Variants in PRKCE observed in about 807,000 individuals in gnomAD.
PRKCE encodes the protein protein kinase C epsilon type.
A neutral mutation model predicts 85.4 loss-of-function variants in PRKCE; 16 were observed. That is an observed-to-expected ratio of 0.19 (90% CI 0.13 to 0.28). The LOEUF (loss-of-function observed/expected upper bound fraction) is 0.28. Ranked by LOEUF, PRKCE falls within the 10% of genes least tolerant of loss-of-function variation. PRKCE has a pLI of 1.00. For missense variants in PRKCE, 573 were observed against 975.2 expected (o/e 0.59, Z 5.49); for synonymous variants, 388 against 371.5 (o/e 1.04, Z -0.51).
intron 10 of PRKCE, among the ~76,000 whole-genome samples, chr2:46,058,764 C>T (rs111781436): frequency 0.037 from 5,697 of 152,240 alleles, 320 homozygotes; most frequent in African/African-American, 0.12. Context: ...GGCATGAACA[C>T]GGCTCACTGC....
At chr2:45,957,836 C>T (rs996789604) in intron 2 of PRKCE, among the ~76,000 whole-genome samples, 1 of 151,940 alleles carries the variant, frequency 6.6e-6, no homozygotes, top group Non-Finnish European at 1.5e-5. Context: ...AGTCTGAGTC[C>T]AGAGGTTCAA....
At chr2:45,990,998 C>T (rs1703747326) in intron 6 of PRKCE, among the ~76,000 whole-genome samples, 1 of 150,748 alleles carries the variant, frequency 6.6e-6, no homozygotes, top group Admixed American at 6.6e-5. Flanking sequence ...TTTCTTTCTT[C>T]CTTTCTTTCT....
chr2:45,857,388 TA>T (rs1391607547), intron 2 of PRKCE, among the ~76,000 whole-genome samples: 4 of 152,214 alleles, frequency 2.6e-5, no homozygotes, highest in Non-Finnish European at 5.9e-5. Context: ...AGAGAGTTTT[TA>T]AAAAATGTTC....
At chr2:45,730,893 T>A (rs1227689009) in intron 1 of PRKCE, among the ~76,000 whole-genome samples, 1 of 152,260 alleles carries the variant, frequency 6.6e-6, no homozygotes, top group Non-Finnish European at 1.5e-5. Flanking sequence ...CAGAGTGCTG[T>A]TATTTGTAAA....
chr2:46,003,345 T>G (rs1035344831), intron 7 of PRKCE, among the ~76,000 whole-genome samples: 2 of 152,226 alleles, frequency 1.3e-5, no homozygotes, highest in Non-Finnish European at 2.9e-5. Flanking sequence ...GTTTGTGATC[T>G]TTGAGTCTAA....
intron 1 of PRKCE, among the ~76,000 whole-genome samples, chr2:45,664,027 T>C (rs536592845): frequency 4.7e-4 from 71 of 152,350 alleles, no homozygotes; most frequent in African/African-American, 1.7e-3. Context: ...ACTTTCTATG[T>C]TCTAGGAACT....
chr2:46,022,847 G>T (rs962285941), intron 10 of PRKCE, among the ~76,000 whole-genome samples: 1 of 152,128 alleles, frequency 6.6e-6, no homozygotes, highest in Admixed American at 6.5e-5. Context: ...ACTTTGGGAG[G>T]CCGAGGCGGG....
chr2:46,100,567 G>A (rs1671106641), intron 11 of PRKCE, among the ~76,000 whole-genome samples: 1 of 152,196 alleles, frequency 6.6e-6, no homozygotes, highest in Admixed American at 6.5e-5. Context: ...CGGAAGTGGG[G>A]CATCTCTCAT....
intron 10 of PRKCE, among the ~76,000 whole-genome samples, chr2:46,083,016 C>T (rs1669243023): frequency 6.6e-6 from 1 of 152,146 alleles, no homozygotes; most frequent in Non-Finnish European, 1.5e-5. Context: ...GGCGCAATCT[C>T]AGCTCACTGC....
At chr2:46,071,832 C>T (rs567095096) in intron 10 of PRKCE, among the ~76,000 whole-genome samples, 108 of 152,330 alleles carry the variant, frequency 7.1e-4, no homozygotes, top group African/African-American at 2.6e-3. Flanking sequence ...GGTCTAACCA[C>T]CTTTCCAAGT....
Position 45,980,310 on chromosome 2 carries a change from G to A in PRKCE, c.622G>A (p.Val208Ile), listed in dbSNP as rs570929334. 1.9e-5 allele frequency: 31 copies of A among 1,599,630 alleles called. No individual in the cohort carries two copies. In the Admixed American group the frequency reaches 4.0e-4, roughly 21 times the overall value. ...GYQCQVCTCV[V>I]HKRCHELIIT... ...GCTATTTGCAGTCTGCACCTGCGTG[G>A]TCCACAAGCGGTGCCACGAGCTCAT... Residue 208 changes from valine to isoleucine, a missense_variant, in exon 5 of 15, where the codon GTC (valine) becomes ATC (isoleucine). By Grantham distance (29) the Val-to-Ile change is conservative. Around this residue, in one of 11 missense-constraint regions of PRKCE, gnomAD observed 29 missense variants for 96.2 expected, o/e 0.30. Transcript: ENST00000306156.
In PRKCE at chr2:45,884,980, TATATATATATATATATATA is replaced by T. The variant is rs1558793053; in HGVS notation, c.412+41918_412+41936del. 2.1e-4 allele frequency among the ~76,000 whole-genome samples: 14 copies of T among 66,502 alleles called. No homozygotes were observed. In the East Asian group the frequency reaches 8.2e-3, roughly 39 times the overall value. 43.6% of individuals were successfully genotyped at this position (66,502 alleles called of 152,430 possible). ...ATATATATATATATATATATATATA[TATATATATATATATATATA>T]TATTTGTTGTTGTTGTTGTTGTTTT... On this transcript the variant is annotated intron_variant, in intron 2 of 14. Transcript: ENST00000306156.
rs192019782 is a variant in PRKCE at position 46,155,428 on chromosome 2, G to A, written c.1921-4178G>A. ...CGCCTCTCTTGTTCCTCAGGCCTGG[G>A]CCCCGGGTCCTCTGGGTACCCTGTG... On this transcript the variant is annotated intron_variant, in intron 13 of 14. Transcript: ENST00000306156. The surrounding 1 kb of genome is among the most constrained non-coding windows in gnomAD (Gnocchi z 4.7). Among the ~76,000 whole-genome samples, 82 of 151,978 alleles carry A rather than the reference G, an allele frequency of 5.4e-4. No homozygotes were observed. Among genetic ancestry groups the A allele is most frequent in the African/African-American group, 1.8e-3 (75 of 41,444 alleles).
intron 2 of PRKCE, among the ~76,000 whole-genome samples, chr2:45,970,963 A>G (rs564977913): frequency 6.6e-6 from 1 of 151,912 alleles, no homozygotes; most frequent in African/African-American, 2.4e-5. Flanking sequence ...TATTTTATAC[A>G]TCAGACACAC....
At chr2:45,998,602 A>G (rs752864537) in intron 6 of PRKCE, among the ~76,000 whole-genome samples, 28 of 151,958 alleles carry the variant, frequency 1.8e-4, no homozygotes, top group Non-Finnish European at 3.5e-4. Context: ...TTTTTGATCC[A>G]CTCTAACAAT....
intron 1 of PRKCE, among the ~76,000 whole-genome samples, chr2:45,733,122 T>C (rs540833972): frequency 3.3e-5 from 5 of 152,348 alleles, no homozygotes; most frequent in African/African-American, 1.2e-4. Context: ...TGGTGATCCC[T>C]GTGGCTTAGG....
intron 11 of PRKCE, among the ~76,000 whole-genome samples, chr2:46,111,108 G>C (rs1343210843): frequency 6.6e-6 from 1 of 152,084 alleles, no homozygotes. Context: ...GTCTGGATGT[G>C]ATCTATCTTG....
chr2:45,885,902 C>T (rs1695266020), intron 2 of PRKCE, among the ~76,000 whole-genome samples: 1 of 152,180 alleles, frequency 6.6e-6, no homozygotes. Flanking sequence ...TCGGAGAAAT[C>T]CCATGGAGTT....
intron 1 of PRKCE, among the ~76,000 whole-genome samples, chr2:45,708,916 G>T (rs933547500): frequency 2.0e-5 from 3 of 152,210 alleles, no homozygotes; most frequent in Admixed American, 2.0e-4. Flanking sequence ...CCAAATCCCT[G>T]CTTGGAAGAG....
Sources: allele counts gnomAD v4.1 joint callset (sites outside exome capture counted in the v4.1 genomes callset), GRCh38; gene constraint gnomAD v4.1.1; regional missense constraint gnomAD v4.1.1; non-coding constraint Gnocchi (gnomAD v3.1); transcripts MANE v1.5; gene names NCBI Gene and HGNC (gene_info 2026-07-23, HGNC 2026-07-21).